IL1RAPL2: variants seen among roughly 807,000 people sequenced by gnomAD.
The protein encoded by IL1RAPL2 is X-linked interleukin-1 receptor accessory protein-like 2.
In IL1RAPL2, 3 loss-of-function variants were observed where a neutral mutation model predicts 44.1. The observed-to-expected ratio is 0.07, with a 90% confidence interval of 0.03 to 0.18. The LOEUF is 0.18. Among genes scored for constraint, IL1RAPL2 ranks in the 10% least tolerant of loss-of-function variants. The pLI is 1.00. For missense variants in IL1RAPL2, 391 were observed against 496.4 expected (o/e 0.79, Z 2.02); for synonymous variants, 181 against 178.8 (o/e 1.01, Z -0.10).
intron 2 of IL1RAPL2, among the ~76,000 whole-genome samples, chrX:105,093,876 T>C (rs1394200046): frequency 1.8e-5 from 2 of 111,615 alleles, no homozygotes; most frequent in Non-Finnish European, 3.8e-5. Context: ...ACTTGTATAA[T>C]TGATGCTAAT....
Position 104,888,902 on chromosome X carries a change from T to C in IL1RAPL2, c.82+229907T>C, listed in dbSNP as rs1263398166. Among the ~76,000 whole-genome samples the C allele has an allele frequency of 3.6e-5, 4 of 111,458 alleles. No individual in the cohort carries two copies. The Admixed American group carries it at 3.8e-4, about 11-fold the overall frequency. On this transcript the variant is annotated intron_variant, in intron 2 of 10. Transcript: ENST00000372582. The stretch of plus-strand genomic sequence containing the variant: ...TTCTTACATTTCCCACCTCACCTAT[T>C]ACACAAGCAATGAAAAGCCCATACA...
intron 1 of IL1RAPL2, among the ~76,000 whole-genome samples, chrX:104,593,334 C>A (rs1213039584): frequency 9.0e-6 from 1 of 111,521 alleles, no homozygotes; most frequent in Admixed American, 9.6e-5. Context: ...CTTCAAGGAT[C>A]CAATGTAATG....
At chrX:105,555,101 T>C in intron 6 of IL1RAPL2, among the ~76,000 whole-genome samples, 1 of 108,189 alleles carries the variant, frequency 9.2e-6, no homozygotes, top group Non-Finnish European at 1.9e-5. Flanking sequence ...TTTCTTGCCT[T>C]GTAGATTTTT....
At chrX:104,734,491 A>G in intron 2 of IL1RAPL2, among the ~76,000 whole-genome samples, 1 of 112,794 alleles carries the variant, frequency 8.9e-6, no homozygotes, top group South Asian at 3.7e-4. Flanking sequence ...TGATTCATCC[A>G]TCAACTTGGA....
At chrX:105,360,658 G>T (rs1569428794) in intron 5 of IL1RAPL2, among the ~76,000 whole-genome samples, 1 of 110,820 alleles carries the variant, frequency 9.0e-6, no homozygotes, top group Non-Finnish European at 1.9e-5. Flanking sequence ...AAGCCATACA[G>T]ATATTTTGAG....
intron 2 of IL1RAPL2, among the ~76,000 whole-genome samples, chrX:104,768,671 C>G (rs1932594367): frequency 9.0e-6 from 1 of 111,049 alleles, no homozygotes; most frequent in African/African-American, 3.3e-5. Context: ...TTGTGTTGAG[C>G]AAAACAGACC....
chrX:105,091,986 C>G (rs1442467032), intron 2 of IL1RAPL2, among the ~76,000 whole-genome samples: 2 of 112,229 alleles, frequency 1.8e-5, no homozygotes, highest in African/African-American at 6.5e-5. Context: ...GTAAACCATA[C>G]ACAAAACATT....
At chrX:105,456,099 A>C (rs2036053221) in intron 5 of IL1RAPL2, among the ~76,000 whole-genome samples, 1 of 111,949 alleles carries the variant, frequency 8.9e-6, no homozygotes, top group South Asian at 3.7e-4. Flanking sequence ...ATGGGATTGC[A>C]TTCCTGATTT....
chrX:105,411,618 A>G (rs1432680816), intron 5 of IL1RAPL2, among the ~76,000 whole-genome samples: 1 of 111,750 alleles, frequency 8.9e-6, no homozygotes, highest in East Asian at 2.8e-4. Context: ...AGATGATATA[A>G]CAATTGTAAA....
At chrX:105,132,857 A>G (rs2033041094) in intron 2 of IL1RAPL2, among the ~76,000 whole-genome samples, 1 of 111,941 alleles carries the variant, frequency 8.9e-6, no homozygotes, top group South Asian at 3.7e-4. Context: ...GGTTTCTCAA[A>G]GATGGAACTT....
intron 2 of IL1RAPL2, among the ~76,000 whole-genome samples, chrX:104,847,664 T>G (rs1051120331): frequency 1.4e-4 from 16 of 112,000 alleles, no homozygotes; most frequent in African/African-American, 4.5e-4. Flanking sequence ...TAGGATTGTC[T>G]TGGAAATGCG....
chrX:105,433,683 G>T (rs945398084), intron 5 of IL1RAPL2, among the ~76,000 whole-genome samples: 16 of 111,220 alleles, frequency 1.4e-4, no homozygotes, highest in East Asian at 1.4e-3. Context: ...AGAAAGAGGG[G>T]ATCACAGACT....
intron 4 of IL1RAPL2, among the ~76,000 whole-genome samples, chrX:105,262,390 A>G (rs1202002883): frequency 8.9e-6 from 1 of 112,134 alleles, no homozygotes; most frequent in African/African-American, 3.2e-5. Context: ...TTAATATATC[A>G]TAACACATGT....
At chrX:105,443,504 C>A (rs1186112210) in intron 5 of IL1RAPL2, among the ~76,000 whole-genome samples, 6 of 111,865 alleles carry the variant, frequency 5.4e-5, no homozygotes, top group Non-Finnish European at 9.4e-5. Flanking sequence ...CAATCCCCCA[C>A]TACCTTTCCT....
chrX:104,833,222 C>T (rs1162162391), intron 2 of IL1RAPL2, among the ~76,000 whole-genome samples: 1 of 110,992 alleles, frequency 9.0e-6, no homozygotes, highest in Non-Finnish European at 1.9e-5. Context: ...TCATTGCAGC[C>T]TCAATCTCCT....
chrX:104,914,306 T>C (rs1319521608), intron 2 of IL1RAPL2, among the ~76,000 whole-genome samples: 1 of 112,000 alleles, frequency 8.9e-6, no homozygotes, highest in African/African-American at 3.2e-5. Context: ...AGAAGGGTAA[T>C]GTGGGTTTGG....
At chrX:104,951,338 A>G (rs1250452602) in intron 2 of IL1RAPL2, among the ~76,000 whole-genome samples, 19 of 112,454 alleles carry the variant, frequency 1.7e-4, no homozygotes. Flanking sequence ...CCATTACCAA[A>G]AGGGAAATGA....
At chrX:105,469,753 T>C (rs759710256) in intron 5 of IL1RAPL2, among the ~76,000 whole-genome samples, 1 of 111,188 alleles carries the variant, frequency 9.0e-6, no homozygotes, top group Non-Finnish European at 1.9e-5. Flanking sequence ...TTATTACCTA[T>C]GTAATCTTGG....
intron 2 of IL1RAPL2, among the ~76,000 whole-genome samples, chrX:104,909,980 G>T (rs928420955): frequency 6.2e-5 from 7 of 112,448 alleles, no homozygotes; most frequent in Non-Finnish European, 1.1e-4. Context: ...TTTGATCTCA[G>T]ACTGCTGTGC....
Sources: allele counts gnomAD v4.1 joint callset (sites outside exome capture counted in the v4.1 genomes callset), GRCh38; gene constraint gnomAD v4.1.1; transcripts MANE v1.5; gene names NCBI Gene and HGNC (gene_info 2026-07-23, HGNC 2026-07-21).